PLCL1: variants seen among roughly 807,000 people sequenced by gnomAD.
PLCL1 encodes phospholipase C like 1 (inactive).
PLCL1 carries 41 observed loss-of-function variants against 84.4 expected under a neutral mutation model. That is an observed-to-expected ratio of 0.49 (90% CI 0.38 to 0.63). PLCL1 has a LOEUF of 0.63. Ranked by LOEUF, PLCL1 falls within the 30% of genes least tolerant of loss-of-function variation. PLCL1 has a pLI of 0.00. For missense variants in PLCL1, 1,206 were observed against 1,367.8 expected (o/e 0.88, Z 1.87); for synonymous variants, 490 against 488.3 (o/e 1.00, Z -0.05).
chr2:198,145,961 G>C (rs1243595077), intron 5 of PLCL1, among the ~76,000 whole-genome samples: 1 of 152,098 alleles, frequency 6.6e-6, no homozygotes, highest in African/African-American at 2.4e-5. Flanking sequence ...CTGTCTATGG[G>C]CCATAGACAC....
intron 1 of PLCL1, among the ~76,000 whole-genome samples, chr2:197,936,131 A>ACCCCCCC (rs60500144): frequency 2.2e-5 from 3 of 134,084 alleles, no homozygotes; most frequent in Non-Finnish European, 4.9e-5. Context: ...TATATTAAAC[A>ACCCCCCC]CCCCCCCCCT....
intron 1 of PLCL1, among the ~76,000 whole-genome samples, chr2:197,816,166 C>G (rs1411760245): frequency 1.3e-5 from 2 of 152,036 alleles, no homozygotes; most frequent in African/African-American, 4.8e-5. Flanking sequence ...GCCACAGCCA[C>G]CCAAACCTTC....
At position 198,077,936 on chromosome 2, in the gene PLCL1, C is replaced by T. The variant is rs552045345; in HGVS notation, c.241-5822C>T. On this transcript the variant is annotated intron_variant, in intron 1 of 5. Transcript: ENST00000428675. ...ATGTTTCTTGATATTTCCCACTCTT[C>T]TTCATCCTTTTTATTAGGAACCTAC... is the stretch of plus-strand genomic sequence containing the variant. 9.7e-4 allele frequency among the ~76,000 whole-genome samples: 148 copies of T among 152,284 alleles called. 2 individuals carry two copies. The South Asian group carries it at 0.012, about 12-fold the overall frequency.
chr2:198,103,727 C>A, intron 4 of PLCL1, 100 bp from the exon 5 acceptor site: 1 of 586,144 alleles, frequency 1.7e-6, no homozygotes, highest in Non-Finnish European at 3.0e-6. Flanking sequence ...TATGAGAAGA[C>A]AGGAATGTGA....
chr2:198,083,812 A>G lies in PLCL1; in HGVS notation c.295A>G (p.Met99Val), dbSNP rs374804162. Residue 99 changes from methionine (M) to valine (V), a missense_variant, in exon 2 of 6, where the codon ATG becomes GTG. Coordinates refer to ENST00000428675, the MANE Select transcript of PLCL1 (RefSeq NM_006226.4). The stretch of plus-strand genomic sequence containing the variant: ...AAAGAAAACCGTGTCTTTCAGCAGC[A>G]TGCCATCGGAAAAGAAAATTAGCAG... ...GRKKTVSFSS[M>V]PSEKKISSAN... 1.4e-5 allele frequency: 22 copies of G among 1,608,120 alleles called. No individual in the cohort carries two copies. In the African/African-American group the frequency reaches 2.5e-4, roughly 19 times the overall value.
chr2:197,992,307 C>T (rs1690361771), intron 1 of PLCL1, among the ~76,000 whole-genome samples: 1 of 152,042 alleles, frequency 6.6e-6, no homozygotes, highest in Non-Finnish European at 1.5e-5. Flanking sequence ...CTCTGTCACC[C>T]AGGCTGGAGT....
chr2:197,883,544 G>A (rs1195155755), intron 1 of PLCL1, among the ~76,000 whole-genome samples: 3 of 152,074 alleles, frequency 2.0e-5, no homozygotes, highest in East Asian at 1.9e-4. Flanking sequence ...GTCATGTAAG[G>A]GAAGGTCCTG....
chr2:197,956,875 G>A (rs1689506982), intron 1 of PLCL1, among the ~76,000 whole-genome samples: 3 of 151,994 alleles, frequency 2.0e-5, no homozygotes, highest in Admixed American at 2.0e-4. Flanking sequence ...TAGGTTGCCT[G>A]TTCACTCTGA....
intron 1 of PLCL1, among the ~76,000 whole-genome samples, chr2:197,817,276 A>T (rs909934857): frequency 2.6e-5 from 4 of 152,156 alleles, no homozygotes; most frequent in Non-Finnish European, 5.9e-5. Context: ...GAAACCTAAA[A>T]AACTTTTTTT....
At chr2:197,959,888 A>G (rs1325281978) in intron 1 of PLCL1, among the ~76,000 whole-genome samples, 1 of 151,984 alleles carries the variant, frequency 6.6e-6, no homozygotes, top group Non-Finnish European at 1.5e-5. Context: ...CATTGCACTT[A>G]TTTCTGTGTG....
chr2:197,853,162 T>TTAA (rs1423165838), intron 1 of PLCL1, among the ~76,000 whole-genome samples: 1 of 152,246 alleles, frequency 6.6e-6, no homozygotes, highest in African/African-American at 2.4e-5. Context: ...CATAATGTCT[T>TTAA]TAAGGCTCAT....
At position 198,149,596 on chromosome 2, in the gene PLCL1, C is replaced by G. The variant is rs1355401736; in HGVS notation, c.*2634C>G. The G allele has an allele frequency of 6.6e-6, 1 of 152,108 alleles. No individual in the cohort carries two copies. The highest frequency in any genetic ancestry group is 1.5e-5 in the Non-Finnish European group (1 of 67,990). 9.4% of individuals were successfully genotyped at this position (152,108 alleles called of 1,614,324 possible). A position where few individuals can be genotyped will look rare whatever the true frequency, so the allele number is the denominator to read the frequency against. On this transcript the variant is annotated 3_prime_UTR_variant, in exon 6 of 6. Transcript: ENST00000428675. ...TAACCACAGATACAAAGAACTGTATCATTTATTTTCTGAATATAAAATATT... is the reference window on the plus strand; with the variant it reads ...TAACCACAGATACAAAGAACTGTATGATTTATTTTCTGAATATAAAATATT...
intron 1 of PLCL1, among the ~76,000 whole-genome samples, chr2:198,013,440 T>C (rs1250139333): frequency 6.6e-6 from 1 of 152,106 alleles, no homozygotes; most frequent in Non-Finnish European, 1.5e-5. Context: ...GTTTCCCAGA[T>C]GAATCCCATT....
In PLCL1 at chr2:198,085,897, A is replaced by C; in HGVS notation, c.2380A>C (p.Ile794Leu). 6.2e-7 allele frequency: 1 copy of C among 1,614,084 alleles called. No individual in the cohort carries two copies. Among genetic ancestry groups the C allele is most frequent in the Middle Eastern group, 1.6e-4 (1 of 6,062 alleles). ...FQVNLPELAM[I>L]RFVVLDDDYI... Reference sequence around the variant, plus strand: ...AGTAAACCTACCTGAGCTGGCCATGATCCGTTTTGTTGTTCTGGATGATGA... The same window carrying C: ...AGTAAACCTACCTGAGCTGGCCATGCTCCGTTTTGTTGTTCTGGATGATGA... Residue 794 changes from isoleucine to leucine, a missense_variant, in exon 2 of 6, where the codon ATC becomes CTC. Physicochemically the swap from Ile to Leu is conservative, Grantham distance 5 (BLOSUM62 2). Coordinates refer to ENST00000428675, the MANE Select transcript of PLCL1 (RefSeq NM_006226.4). The surrounding 1 kb of genome is among the most constrained non-coding windows in gnomAD (Gnocchi z 5.3).
intron 1 of PLCL1, among the ~76,000 whole-genome samples, chr2:197,923,053 A>G (rs867405086): frequency 8.7e-4 from 81 of 93,556 alleles, no homozygotes; most frequent in Non-Finnish European, 1.1e-3. Context: ...CTCACCTCCC[A>G]GACGGGGCGG....
At chr2:198,018,161 C>G (rs927670359) in intron 1 of PLCL1, among the ~76,000 whole-genome samples, 22 of 152,232 alleles carry the variant, frequency 1.4e-4, no homozygotes, top group African/African-American at 5.3e-4. Flanking sequence ...CAAGGGAAGC[C>G]AAGAGGGACC....
intron 1 of PLCL1, among the ~76,000 whole-genome samples, chr2:197,926,266 A>C (rs1428032768): frequency 1.3e-5 from 2 of 152,202 alleles, no homozygotes; most frequent in Non-Finnish European, 2.9e-5. Flanking sequence ...AGACTCAGGA[A>C]TAAGTAGTGA....
At chr2:198,071,772 T>C (rs1424096275) in intron 1 of PLCL1, among the ~76,000 whole-genome samples, 1 of 151,912 alleles carries the variant, frequency 6.6e-6, no homozygotes, top group Non-Finnish European at 1.5e-5. Flanking sequence ...CTATGCTTTC[T>C]GGTCTTAATA....
At chr2:198,103,094 A>G (rs1162004819) in intron 4 of PLCL1, among the ~76,000 whole-genome samples, 1 of 152,014 alleles carries the variant, frequency 6.6e-6, no homozygotes, top group Non-Finnish European at 1.5e-5. Flanking sequence ...ATTGTTATCT[A>G]TGTGGGTTCC....
Sources: gnomAD v4.1 joint callset for allele counts (sites outside exome capture counted in the v4.1 genomes callset) on GRCh38, gnomAD v4.1.1 for gene constraint, Gnocchi (gnomAD v3.1) non-coding constraint, MANE v1.5 for transcripts, NCBI Gene and HGNC (gene_info 2026-07-23, HGNC 2026-07-21) for gene names.